ABCC9: variants seen among roughly 807,000 people sequenced by gnomAD.
The protein encoded by ABCC9 is ATP-binding cassette sub-family C member 9.
In ABCC9, 95 loss-of-function variants were observed where a neutral mutation model predicts 188.3. The observed-to-expected ratio is 0.50, with a 90% CI of 0.43 to 0.60. The LOEUF is 0.60. ABCC9 is among the 20% of genes least tolerant of loss of function. The pLI is 0.00. For missense variants in ABCC9, 1,102 were observed against 1,876.3 expected (o/e 0.59, Z 7.62); for synonymous variants, 659 against 652.7 (o/e 1.01, Z -0.15).
At chr12:21,808,778 C>CAAAAAAAAAAAAA (rs34314026) in intron 37 of ABCC9, among the ~76,000 whole-genome samples, 1 of 80,506 alleles carries the variant, frequency 1.2e-5, no homozygotes, top group Non-Finnish European at 2.5e-5. Context: ...GAACTTGTCT[C>CAAAAAAAAAAAAA]AAAAAAAAAA....
chr12:21,850,760 T>C (rs1769827688), intron 24 of ABCC9, among the ~76,000 whole-genome samples: 3 of 152,146 alleles, frequency 2.0e-5, no homozygotes, highest in Admixed American at 6.6e-5. Flanking sequence ...TTTAGATCAC[T>C]GAAAAAAATG....
chr12:21,886,736 C>T (rs540152999), intron 15 of ABCC9, among the ~76,000 whole-genome samples: 1 of 152,212 alleles, frequency 6.6e-6, no homozygotes, highest in East Asian at 1.9e-4. Context: ...CGCATCATCT[C>T]ATCTTTCTCT....
chr12:21,846,498 C>T (rs1191052171), intron 25 of ABCC9, among the ~76,000 whole-genome samples: 2 of 152,158 alleles, frequency 1.3e-5, no homozygotes, highest in African/African-American at 2.4e-5. Context: ...GAACTTTATT[C>T]ATTAAAGTTA....
At chr12:21,834,743 T>A (rs1449226732) in intron 30 of ABCC9, among the ~76,000 whole-genome samples, 1 of 145,758 alleles carries the variant, frequency 6.9e-6, no homozygotes, top group Non-Finnish European at 1.5e-5. Context: ...GGGCTGAAAA[T>A]GATATATATA....
chr12:21,807,397 T>G lies in ABCC9; in HGVS notation c.4398A>C (p.Lys1466Asn). The G allele has an allele frequency of 6.2e-7, 1 of 1,614,006 alleles. No homozygotes were observed. Among genetic ancestry groups the G allele is most frequent in the Non-Finnish European group, 8.5e-7 (1 of 1,179,884 alleles). Residue 1466 changes from lysine to asparagine, a missense_variant, in exon 38 of 40, where the codon AAA (lysine) becomes AAC (asparagine). Physicochemically the swap from Lys to Asn is moderately conservative, Grantham distance 94 (BLOSUM62 0). This residue lies in a region of ABCC9 where 40 missense variants were observed against 105.5 expected (regional missense o/e 0.38). Transcript: ENST00000261200. ...CCTCATCCATAATAAGAATGCTGCTTTTGCGGACAAAGGCCCTGGCAAGGC... is the reference window on the plus strand; with the variant it reads ...CCTCATCCATAATAAGAATGCTGCTGTTGCGGACAAAGGCCCTGGCAAGGC... ...LFCLARAFVR[K>N]SSILIMDEAT...
intron 12 of ABCC9, among the ~76,000 whole-genome samples, chr12:21,903,051 C>A (rs1947849414): frequency 6.6e-6 from 1 of 152,178 alleles, no homozygotes; most frequent in African/African-American, 2.4e-5. Context: ...CAATAAAATA[C>A]TGGTAAACTG....
chr12:21,838,686 A>G (rs704175), intron 29 of ABCC9, among the ~76,000 whole-genome samples: 95,674 of 151,930 alleles, frequency 0.63, 30,423 homozygotes, highest in African/African-American at 0.69. Flanking sequence ...TAAGGGTGAC[A>G]GTGGATTGTA....
Position 21,887,917 on chromosome 12 carries a change from T to A in ABCC9, c.1820A>T (p.Glu607Val). 1 of 1,612,950 alleles carries A rather than the reference T, an allele frequency of 6.2e-7. No homozygotes were observed. The highest frequency in any genetic ancestry group is 1.1e-5 in the South Asian group (1 of 91,054). Residue 607 changes from glutamate to valine, a missense_variant, in exon 15 of 40, where the codon GAG becomes GTG. By Grantham distance (121) the Glu-to-Val change is moderately radical (BLOSUM62 -2). Coordinates refer to ENST00000261200, the MANE Select transcript of ABCC9 (RefSeq NM_020297.4). ...ACCAATCTCATCACTCAAGAGAAAC[T>A]CATTCAGCTTTTGAACACTGCAAAA... Reference protein sequence around the residue: ...KAIISVQKLNEFLLSDEIGDD... With the variant: ...KAIISVQKLNVFLLSDEIGDD...
rs185293186 is a variant in ABCC9 at position 21,829,971 on chromosome 12, G to C, written c.3567-911C>G. ...AGAGGATGGGGACACTAGAGATGAC[G>C]GCAAATGCTCTACACCCCCAAATTC... On this transcript the variant is annotated intron_variant, in intron 30 of 39. Transcript: ENST00000261200. 1.4e-4 allele frequency among the ~76,000 whole-genome samples: 22 copies of C among 152,180 alleles called. No homozygotes were observed. The East Asian group carries it at 3.9e-3, about 27-fold the overall frequency.
chr12:21,817,057 G>C (rs1201387621), intron 33 of ABCC9, 130 bp downstream of exon 33: 1 of 1,036,938 alleles, frequency 9.6e-7, no homozygotes, highest in Non-Finnish European at 1.4e-6. Flanking sequence ...ATCAAGCAAA[G>C]CCAAGATATG....
At chr12:21,817,587 C>T (rs1245157785) in intron 32 of ABCC9, among the ~76,000 whole-genome samples, 1 of 152,144 alleles carries the variant, frequency 6.6e-6, no homozygotes, top group African/African-American at 2.4e-5. Flanking sequence ...TTGCACTTAT[C>T]TCATGTATAT....
At chr12:21,852,715 A>G (rs1165034528) in intron 22 of ABCC9, among the ~76,000 whole-genome samples, 3 of 152,130 alleles carry the variant, frequency 2.0e-5, no homozygotes, top group East Asian at 3.9e-4. Flanking sequence ...CCCATGACAC[A>G]CAATTTATAT....
chr12:21,917,490 CCTA>C (rs1948649829), intron 5 of ABCC9, among the ~76,000 whole-genome samples: 1 of 152,090 alleles, frequency 6.6e-6, no homozygotes, highest in African/African-American at 2.4e-5. Context: ...GTCTGTATAA[CCTA>C]CTTCATAGGT....
chr12:21,881,878 C>T (rs1289359432), intron 16 of ABCC9, among the ~76,000 whole-genome samples: 1 of 152,154 alleles, frequency 6.6e-6, no homozygotes, highest in Non-Finnish European at 1.5e-5. Flanking sequence ...ATGGGCAAAC[C>T]ATGGCTCAAT....
rs1429495341 is a variant in ABCC9, at chr12:21,798,743, C to T, written c.*2301G>A. The T allele has an allele frequency of 1.3e-5, 2 of 150,990 alleles. No homozygotes were observed. The highest frequency in any genetic ancestry group is 4.2e-4 in the South Asian group (2 of 4,726). 9.4% of individuals were successfully genotyped at this position (150,990 alleles called of 1,614,324 possible). A position where few individuals can be genotyped will look rare whatever the true frequency, so the allele number is the denominator to read the frequency against. On this transcript the variant is annotated 3_prime_UTR_variant, in exon 40 of 40. Transcript: ENST00000261200. ...ACCATTTGACCCAGCCATCCCATTA[C>T]TGGGTATATACCCAAATGACTATAA...
At chr12:21,881,249 GCAGT>G (rs1946602104) in intron 16 of ABCC9, among the ~76,000 whole-genome samples, 1 of 152,046 alleles carries the variant, frequency 6.6e-6, no homozygotes, top group African/African-American at 2.4e-5. Flanking sequence ...GTACTTCTCT[GCAGT>G]ATGTTGTATT....
Position 21,908,274 on chromosome 12 carries a change from GA to G in ABCC9, c.1321-64del, listed in dbSNP as rs1187080666. ...GGTTGTGGGAGCCATTGCATGAAAG[GA>G]CATAATTTTTAGTGCAAATGTAGTA... is the stretch of plus-strand genomic sequence containing the variant. On this transcript the variant is annotated intron_variant, in intron 10 of 39. Coordinates refer to ENST00000261200, the MANE Select transcript of ABCC9 (RefSeq NM_020297.4). 5.1e-4 allele frequency: 798 copies of G among 1,574,742 alleles called. 5 individuals carry two copies. The highest frequency in any genetic ancestry group is 1.8e-4 in the East Asian group (8 of 44,148).
intron 18 of ABCC9, among the ~76,000 whole-genome samples, chr12:21,870,275 G>C (rs1183664902): frequency 6.6e-6 from 1 of 150,904 alleles, no homozygotes; most frequent in African/African-American, 2.4e-5. Flanking sequence ...TTTTTTTTAA[G>C]AGAAATGGTC....
At chr12:21,857,506 G>C (rs567294305) in intron 22 of ABCC9, among the ~76,000 whole-genome samples, 1 of 152,140 alleles carries the variant, frequency 6.6e-6, no homozygotes. Context: ...AGGATGCCCT[G>C]GTCCTAATCC....
Sources: allele counts gnomAD v4.1 joint callset (sites outside exome capture counted in the v4.1 genomes callset), GRCh38; gene constraint gnomAD v4.1.1; regional missense constraint gnomAD v4.1.1; transcripts MANE v1.5; gene names NCBI Gene and HGNC (gene_info 2026-07-23, HGNC 2026-07-21).